Variants in NEK11 observed in about 807,000 individuals in gnomAD.
The protein encoded by NEK11 is NIMA related kinase 11.
A neutral mutation model predicts 80.7 loss-of-function variants in NEK11; 72 were observed. The ratio of observed to expected loss-of-function variants is 0.89; its 90% CI spans 0.74 to 1.08. The LOEUF (loss-of-function observed/expected upper bound fraction) is 1.08. NEK11 is among the 50% of genes least tolerant of loss of function. NEK11 has a pLI of 0.00. For missense variants in NEK11, 764 were observed against 763.6 expected (o/e 1.00, Z -0.01); for synonymous variants, 251 against 260.7 (o/e 0.96, Z 0.36).
At chr3:131,195,366 A>G (rs941989184) in intron 14 of NEK11, among the ~76,000 whole-genome samples, 2 of 152,030 alleles carry the variant, frequency 1.3e-5, no homozygotes, top group African/African-American at 2.4e-5. Flanking sequence ...AACAAGAATG[A>G]TTGCCCACTA....
In NEK11 at chr3:131,162,582, A is replaced by G. The variant is rs572805745; in HGVS notation, c.1082+55A>G. The G allele has an allele frequency of 4.0e-5, 64 of 1,597,288 alleles. 1 individual carries two copies. In the South Asian group the frequency reaches 6.6e-4, roughly 16 times the overall value. The stretch of plus-strand genomic sequence containing the variant: ...CTCGGGACTACTTCTCAGGGCTCTC[A>G]GGGAATTTACAGAGAAAAGCAAAAA... On this transcript the variant is annotated intron_variant, in intron 11 of 17. Transcript: ENST00000383366.
At chr3:131,331,718 A>G (rs2097088011) in intron 17 of NEK11, among the ~76,000 whole-genome samples, 2 of 152,216 alleles carry the variant, frequency 1.3e-5, no homozygotes, top group African/African-American at 2.4e-5. Flanking sequence ...AGTCAAAGAA[A>G]GGGGTGACAG....
intron 16 of NEK11, among the ~76,000 whole-genome samples, chr3:131,272,218 T>C (rs1357517097): frequency 6.6e-6 from 1 of 152,208 alleles, no homozygotes; most frequent in East Asian, 1.9e-4. Context: ...GAGAAAAGAA[T>C]GGGAATTTCA....
At chr3:131,142,717 G>T (rs567588354) in intron 7 of NEK11, among the ~76,000 whole-genome samples, 5 of 152,304 alleles carry the variant, frequency 3.3e-5, no homozygotes, top group African/African-American at 9.6e-5. Context: ...AAGATGCAAA[G>T]AAGCTTTGAC....
At chr3:131,036,078 A>C (rs1040969160) in intron 3 of NEK11, among the ~76,000 whole-genome samples, 3 of 152,242 alleles carry the variant, frequency 2.0e-5, no homozygotes, top group Non-Finnish European at 4.4e-5. Flanking sequence ...GTATGCACTG[A>C]CAAATATTCA....
intron 3 of NEK11, chr3:131,054,479 G>A (rs1035286057): frequency 5.9e-5 from 9 of 152,264 alleles, no homozygotes; most frequent in Admixed American, 5.2e-4. Context: ...TGATGGAGGG[G>A]AACTATGGCT....
intron 3 of NEK11, among the ~76,000 whole-genome samples, chr3:131,038,569 G>A (rs140778809): frequency 6.6e-6 from 1 of 152,202 alleles, no homozygotes; most frequent in Admixed American, 6.5e-5. Flanking sequence ...TTTGGCTTAG[G>A]CAGGGGGCCA....
At chr3:131,083,968 C>CA (rs1223724553) in intron 4 of NEK11, among the ~76,000 whole-genome samples, 1 of 152,158 alleles carries the variant, frequency 6.6e-6, no homozygotes, top group Non-Finnish European at 1.5e-5. Context: ...TTGCTTAGGC[C>CA]ATATCCTCTG....
intron 15 of NEK11, among the ~76,000 whole-genome samples, chr3:131,236,121 T>A (rs1362594393): frequency 6.6e-6 from 1 of 152,220 alleles, no homozygotes; most frequent in Non-Finnish European, 1.5e-5. Flanking sequence ...AAAATTCTTG[T>A]GTTTTTGTGG....
intron 14 of NEK11, among the ~76,000 whole-genome samples, chr3:131,186,332 T>G (rs1373802753): frequency 6.6e-6 from 1 of 152,204 alleles, no homozygotes; most frequent in Non-Finnish European, 1.5e-5. Flanking sequence ...ATGGTCTTAA[T>G]GATGCCTATC....
intron 16 of NEK11, among the ~76,000 whole-genome samples, chr3:131,249,392 G>A (rs2095661152): frequency 6.6e-6 from 1 of 152,042 alleles, no homozygotes; most frequent in Non-Finnish European, 1.5e-5. Flanking sequence ...AGATTAAAAT[G>A]GGAAGATTGG....
In NEK11 at chr3:131,059,740, A is replaced by G. The variant is rs1577609054; in HGVS notation, c.171-20683A>G. 2.0e-5 allele frequency among the ~76,000 whole-genome samples: 3 copies of G among 152,330 alleles called. 1 individual carries two copies. In the Middle Eastern group the frequency reaches 0.01, roughly 518 times the overall value. On this transcript the variant is annotated intron_variant, in intron 3 of 17. Transcript: ENST00000383366. ...AGCCTCCTTGACTTCCCCATCTGCAACCACCATCTTGCACCTCTTTCAGAG... is the reference window on the plus strand; with the variant it reads ...AGCCTCCTTGACTTCCCCATCTGCAGCCACCATCTTGCACCTCTTTCAGAG...
At chr3:131,103,584 A>G (rs1287090086) in intron 4 of NEK11, among the ~76,000 whole-genome samples, 1 of 151,916 alleles carries the variant, frequency 6.6e-6, no homozygotes, top group African/African-American at 2.4e-5. Context: ...AAGAGAGGTG[A>G]CCCCTTCACT....
intron 7 of NEK11, among the ~76,000 whole-genome samples, chr3:131,134,789 T>C (rs2085231191): frequency 6.6e-6 from 1 of 152,210 alleles, no homozygotes; most frequent in South Asian, 2.1e-4. Context: ...ATTAAAGGAA[T>C]TTCTCCTTCC....
intron 17 of NEK11, among the ~76,000 whole-genome samples, chr3:131,333,123 A>G (rs1394015175): frequency 6.6e-6 from 1 of 152,198 alleles, no homozygotes; most frequent in Non-Finnish European, 1.5e-5. Context: ...AGAACACCAC[A>G]AAGATACTCC....
chr3:131,174,865 C>A, intron 14 of NEK11: 1 of 1,557,206 alleles, frequency 6.4e-7, no homozygotes, highest in South Asian at 1.2e-5. Flanking sequence ...CCCTACCCCA[C>A]CATTCAGATG....
chr3:131,199,764 A>G (rs2094158985), intron 14 of NEK11, among the ~76,000 whole-genome samples: 1 of 152,196 alleles, frequency 6.6e-6, no homozygotes, highest in South Asian at 2.1e-4. Context: ...AGTAGATTAG[A>G]CTAGACTAGT....
intron 17 of NEK11, among the ~76,000 whole-genome samples, chr3:131,304,125 T>C (rs1296351461): frequency 6.6e-6 from 1 of 152,222 alleles, no homozygotes; most frequent in African/African-American, 2.4e-5. Flanking sequence ...CCTTTTTTCT[T>C]TATTTTTGTC....
chr3:131,049,694 A>T (rs550435285), intron 3 of NEK11, among the ~76,000 whole-genome samples: 2 of 152,312 alleles, frequency 1.3e-5, no homozygotes, highest in South Asian at 4.1e-4. Flanking sequence ...CAGAACCAAG[A>T]TGTCAGTTTT....
Sources: gnomAD v4.1 joint callset for allele counts (sites outside exome capture counted in the v4.1 genomes callset) on GRCh38, gnomAD v4.1.1 for gene constraint, MANE v1.5 for transcripts, NCBI Gene and HGNC (gene_info 2026-07-23, HGNC 2026-07-21) for gene names.